Variants in KCTD3 observed in about 807,000 individuals in gnomAD.
The protein encoded by KCTD3 is BTB/POZ domain-containing protein KCTD3.
Under a neutral mutation model 85.8 loss-of-function variants are expected in KCTD3, and 41 were observed. The observed-to-expected ratio is 0.48, with a 90% CI of 0.37 to 0.62. The LOEUF (loss-of-function observed/expected upper bound fraction) is 0.62. Among genes scored for constraint, KCTD3 ranks in the 20% least tolerant of loss-of-function variants. The pLI, the probability that KCTD3 is intolerant of heterozygous loss-of-function variation, is 0.00. For synonymous variants in KCTD3, 338 were observed against 345.4 expected (o/e 0.98, Z 0.24); for missense variants, 724 against 989.9 (o/e 0.73, Z 3.60).
chr1:215,607,917 A>G, intron 13 of KCTD3, 100 bp from the exon 14 acceptor site: 2 of 781,094 alleles, frequency 2.6e-6, no homozygotes, highest in Non-Finnish European at 3.7e-6. Context: ...GTCATTTGCC[A>G]CTTATACTCT....
intron 12 of KCTD3, among the ~76,000 whole-genome samples, chr1:215,603,437 G>A (rs1055819154): frequency 1.3e-5 from 2 of 152,124 alleles, no homozygotes; most frequent in South Asian, 4.2e-4. Context: ...TTGCAATGGG[G>A]TCTGGGCACT....
In KCTD3 at chr1:215,567,775, C is replaced by T; in HGVS notation, c.83+7C>T. 8.1e-7 allele frequency: 1 copy of T among 1,242,144 alleles called. No homozygotes were observed. The highest frequency in any genetic ancestry group is 4.1e-5 in the South Asian group (1 of 24,374). 76.9% of individuals were successfully genotyped at this position (1,242,144 alleles called of 1,614,324 possible). ...TGAACGTAGGGGGGACCAGGTGAGT[C>T]GGCGGGTAGCGGGCTTGCAGCGGGG... On this transcript the variant is annotated splice_region_variant and intron_variant, in intron 1 of 17. Transcript: ENST00000259154.
intron 6 of KCTD3, among the ~76,000 whole-genome samples, chr1:215,578,694 A>G (rs1447220355): frequency 1.3e-5 from 2 of 152,326 alleles, no homozygotes; most frequent in East Asian, 3.9e-4. Context: ...TACCTGTACC[A>G]TAATTGTAAA....
chr1:215,585,149 G>C (rs780652200), intron 8 of KCTD3, among the ~76,000 whole-genome samples: 3 of 152,170 alleles, frequency 2.0e-5, no homozygotes, highest in Non-Finnish European at 2.9e-5. Context: ...TTAGAGTAAA[G>C]TGAAAGCAAG....
At chr1:215,596,185 T>G (rs1660410781) in intron 10 of KCTD3, among the ~76,000 whole-genome samples, 1 of 152,226 alleles carries the variant, frequency 6.6e-6, no homozygotes, top group African/African-American at 2.4e-5. Context: ...AATTTTGGGT[T>G]TCTAGTTTGA....
chr1:215,581,092 A>G, intron 8 of KCTD3: 1 of 342,864 alleles, frequency 2.9e-6, no homozygotes, highest in Non-Finnish European at 5.7e-6. Context: ...CTGAAGATAC[A>G]AAAATTAGCC....
intron 10 of KCTD3, among the ~76,000 whole-genome samples, chr1:215,601,193 G>GTGCTGGGATTATAGGCAT (rs1558239604): frequency 6.6e-6 from 1 of 151,292 alleles, no homozygotes; most frequent in African/African-American, 2.5e-5. Context: ...TGCCTCGGCA[G>GTGCTGGGATTATAGGCAT]GTTTCTTTTA....
At chr1:215,599,923 AG>A (rs1654769074) in intron 10 of KCTD3, among the ~76,000 whole-genome samples, 1 of 151,788 alleles carries the variant, frequency 6.6e-6, no homozygotes, top group African/African-American at 2.4e-5. Context: ...ATGTATCCAA[AG>A]GGAGAAGAAT....
At position 215,618,248 on chromosome 1, in the gene KCTD3, C is replaced by G. The variant is rs1282489263; in HGVS notation, c.1563-638C>G. 6 of 356,474 alleles carry G rather than the reference C, an allele frequency of 1.7e-5. No homozygotes were observed. In the East Asian group the frequency reaches 5.0e-4, roughly 30 times the overall value. The allele number at this position is 356,474 out of a possible 1,614,324, so 22.1% of individuals were successfully genotyped here. On this transcript the variant is annotated intron_variant, in intron 15 of 17. Transcript: ENST00000259154. Reference sequence around the variant, plus strand: ...TTCCTGTATTCACAAACCTTGAGCTCAAGAATGAGACTAGGATAGTCTTTA... The same window carrying G: ...TTCCTGTATTCACAAACCTTGAGCTGAAGAATGAGACTAGGATAGTCTTTA...
At chr1:215,612,638 AT>A (rs1655275792) in intron 15 of KCTD3, among the ~76,000 whole-genome samples, 1 of 152,182 alleles carries the variant, frequency 6.6e-6, no homozygotes, top group African/African-American at 2.4e-5. Context: ...GGCTGAACTA[AT>A]TCTGGCACTT....
At chr1:215,580,098 A>G in intron 8 of KCTD3, 99 bp downstream of exon 8, 1 of 770,096 alleles carries the variant, frequency 1.3e-6, no homozygotes, top group South Asian at 1.7e-5. Flanking sequence ...TTTTTTAGTC[A>G]TCAAGTTTTT....
At chr1:215,581,051 G>A (rs1251558859) in intron 8 of KCTD3, 2 of 419,528 alleles carry the variant, frequency 4.8e-6, no homozygotes, top group Admixed American at 2.9e-5. Flanking sequence ...TTCAAGATCA[G>A]CCCGACCAAC....
At chr1:215,580,067 T>G in intron 8 of KCTD3, 68 bp downstream of exon 8, 1 of 1,063,066 alleles carries the variant, frequency 9.4e-7, no homozygotes, top group Non-Finnish European at 1.4e-6. Context: ...GATTTTATAT[T>G]TTTAGATTGA....
intron 13 of KCTD3, 91 bp from the exon 14 acceptor site, chr1:215,607,926 C>T (rs889700337): frequency 2.2e-6 from 2 of 911,086 alleles, no homozygotes; most frequent in South Asian, 5.1e-5. Flanking sequence ...CACTTATACT[C>T]TGATCTGTGT....
intron 4 of KCTD3, among the ~76,000 whole-genome samples, 156 bp downstream of exon 4, chr1:215,576,130 A>G (rs2102556080): frequency 6.6e-6 from 1 of 151,074 alleles, no homozygotes; most frequent in East Asian, 2.0e-4. Flanking sequence ...GTGCAGTGGC[A>G]TGATCTCTGC....
chr1:215,568,303 A>G (rs1659223671), intron 1 of KCTD3, among the ~76,000 whole-genome samples: 1 of 151,960 alleles, frequency 6.6e-6, no homozygotes, highest in African/African-American at 2.4e-5. Flanking sequence ...GTACCTAGTT[A>G]TTTATTTTCA....
chr1:215,571,452 C>T (rs929747334), intron 1 of KCTD3, among the ~76,000 whole-genome samples: 2 of 151,998 alleles, frequency 1.3e-5, no homozygotes, highest in Non-Finnish European at 2.9e-5. Context: ...TGTCCATAAC[C>T]TGTGAAATTA....
chr1:215,586,333 T>C (rs1660006389), intron 8 of KCTD3, among the ~76,000 whole-genome samples, 162 bp from the exon 9 acceptor site: 2 of 152,176 alleles, frequency 1.3e-5, no homozygotes, highest in South Asian at 4.1e-4. Flanking sequence ...TCATAGGCAA[T>C]ATAGATCAAC....
At chr1:215,603,231 G>C (rs183426715) in intron 12 of KCTD3, among the ~76,000 whole-genome samples, 1 of 152,172 alleles carries the variant, frequency 6.6e-6, no homozygotes, top group African/African-American at 2.4e-5. Flanking sequence ...GTAGTGGCAG[G>C]GGGATTTTAA....
Sources: gnomAD v4.1 joint callset for allele counts (sites outside exome capture counted in the v4.1 genomes callset) on GRCh38, gnomAD v4.1.1 for gene constraint, MANE v1.5 for transcripts, NCBI Gene and HGNC (gene_info 2026-07-23, HGNC 2026-07-21) for gene names.